The following SYK variants were observed in gnomAD, a reference collection of about 807,000 sequenced individuals.
SYK encodes the protein spleen associated tyrosine kinase.
In SYK, 16 loss-of-function variants were observed where a neutral mutation model predicts 77.8. The observed-to-expected ratio is 0.21, with a 90% confidence interval of 0.14 to 0.31. The LOEUF (loss-of-function observed/expected upper bound fraction) is 0.31, where lower values mean the gene tolerates loss of function less well. Ranked by LOEUF, SYK falls within the 10% of genes least tolerant of loss-of-function variation. SYK has a pLI of 1.00. For missense variants in SYK, 529 were observed against 814.4 expected (o/e 0.65, Z 4.26); for synonymous variants, 312 against 308.7 (o/e 1.01, Z -0.11).
In SYK at chr9:90,895,413, A is replaced by C. The variant is rs992178785; in HGVS notation, c.1836-115A>C. 2 of 1,072,490 alleles carry C rather than the reference A, an allele frequency of 1.9e-6. No individual in the cohort carries two copies. Among genetic ancestry groups the C allele is most frequent in the Non-Finnish European group, 2.8e-6 (2 of 711,822 alleles). 66.4% of individuals were successfully genotyped at this position (1,072,490 alleles called of 1,614,324 possible). A position where few individuals can be genotyped will look rare whatever the true frequency, so the allele number is the denominator to read the frequency against. On this transcript the variant is annotated intron_variant, in intron 13 of 13. Coordinates refer to ENST00000375754, the MANE Select transcript of SYK (RefSeq NM_003177.7). The surrounding 1 kb of genome is among the most constrained non-coding windows in gnomAD (Gnocchi z 4.4). ...GACCACGCTGTGAGCTGCAGGCCCT[A>C]GAGTTAGCCACCAGGGAGCAGCACC...
intron 11 of SYK, among the ~76,000 whole-genome samples, chr9:90,882,766 A>G (rs1032597562): frequency 2.6e-5 from 4 of 152,316 alleles, no homozygotes; most frequent in Non-Finnish European, 5.9e-5. Flanking sequence ...ACACAGATGC[A>G]ACCAAGGAGC....
intron 3 of SYK, among the ~76,000 whole-genome samples, chr9:90,856,441 T>G (rs185257108): frequency 5.4e-4 from 83 of 152,340 alleles, no homozygotes; most frequent in Non-Finnish European, 1.5e-4. Context: ...TTTTTTATTT[T>G]CCCTTGCCTT....
At chr9:90,855,143 T>C (rs571076948) in intron 3 of SYK, among the ~76,000 whole-genome samples, 1 of 152,288 alleles carries the variant, frequency 6.6e-6, no homozygotes, top group East Asian at 1.9e-4. Flanking sequence ...CTAATTTAGG[T>C]TTGTTTCCTG....
rs182740719 is a variant in SYK, at chr9:90,806,467, C to T, written c.-42+4574C>T. ...CCAGGCTAGTCTCAAACTCCTGGGC[C>T]CAAGCAATCCTCTTGCCTCAGCCTC... On this transcript the variant is annotated intron_variant, in intron 1 of 13. Coordinates refer to ENST00000375754, the MANE Select transcript of SYK (RefSeq NM_003177.7). Among the ~76,000 whole-genome samples the T allele has an allele frequency of 6.2e-4, 94 of 152,018 alleles. No homozygotes were observed. In the East Asian group the frequency reaches 0.017, roughly 28 times the overall value.
intron 11 of SYK, among the ~76,000 whole-genome samples, chr9:90,879,438 A>G (rs933381573): frequency 1.3e-5 from 2 of 152,262 alleles, no homozygotes; most frequent in African/African-American, 2.4e-5. Flanking sequence ...ACTGTCCCAC[A>G]GCATGGAGCT....
intron 3 of SYK, among the ~76,000 whole-genome samples, chr9:90,847,919 A>G (rs1366093606): frequency 1.3e-5 from 2 of 152,214 alleles, no homozygotes; most frequent in Middle Eastern, 3.2e-3. Flanking sequence ...TTTAACAGAG[A>G]AAGTGTGAGG....
At chr9:90,891,320 G>A (rs1828784349) in intron 13 of SYK, among the ~76,000 whole-genome samples, 1 of 151,746 alleles carries the variant, frequency 6.6e-6, no homozygotes, top group Admixed American at 6.6e-5. Context: ...TAATTTTTTT[G>A]TATTTTTTAG....
intron 1 of SYK, among the ~76,000 whole-genome samples, chr9:90,828,646 T>C (rs1266602222): frequency 6.6e-6 from 1 of 152,186 alleles, no homozygotes; most frequent in Non-Finnish European, 1.5e-5. Flanking sequence ...AGTGTTCTGT[T>C]AATTATTCAC....
chr9:90,857,414 G>A (rs571326875), intron 3 of SYK, among the ~76,000 whole-genome samples: 104 of 152,124 alleles, frequency 6.8e-4, no homozygotes, highest in African/African-American at 2.4e-3. Context: ...GACAAGATGC[G>A]TTAAATAATT....
intron 1 of SYK, among the ~76,000 whole-genome samples, chr9:90,821,932 G>GTTCC (rs148190868): frequency 0.016 from 2,379 of 152,218 alleles, 64 homozygotes; most frequent in African/African-American, 0.055. Context: ...GCTGTCGGCC[G>GTTCC]TGAGTCCAAT....
chr9:90,820,836 T>C (rs1354223534), intron 1 of SYK, among the ~76,000 whole-genome samples: 2 of 151,950 alleles, frequency 1.3e-5, no homozygotes, highest in African/African-American at 2.4e-5. Context: ...ATAGTCAGGC[T>C]GCAAATTTTC....
rs564105996 is a variant in SYK at position 90,829,878 on chromosome 9, G to C, written c.-41-13980G>C. 5.3e-5 allele frequency among the ~76,000 whole-genome samples: 8 copies of C among 152,340 alleles called. No homozygotes were observed. In the South Asian group the frequency reaches 1.7e-3, roughly 32 times the overall value. On this transcript the variant is annotated intron_variant, in intron 1 of 13. Transcript: ENST00000375754. ...TATGGCAAGGTGGGCATAGAGAAGA[G>C]ATTTCTGAGTGTCTTTTGCAGAGCT...
chr9:90,895,626 C>A lies in SYK; in HGVS notation c.*26C>A, dbSNP rs201191948. 2.9e-5 allele frequency: 46 copies of A among 1,604,094 alleles called. No individual in the cohort carries two copies. The African/African-American group carries it at 5.9e-4, about 20-fold the overall frequency. ...CCGCTCCCGCACCTGTCGGTGGCTG[C>A]CTTTGATCACAGGAGCAATCACAGG... On this transcript the variant is annotated 3_prime_UTR_variant, in exon 14 of 14. Coordinates refer to ENST00000375754, the MANE Select transcript of SYK (RefSeq NM_003177.7). The surrounding 1 kb of genome is among the most constrained non-coding windows in gnomAD (Gnocchi z 4.4).
chr9:90,813,672 C>A (rs1212939411), intron 1 of SYK, among the ~76,000 whole-genome samples: 1 of 152,192 alleles, frequency 6.6e-6, no homozygotes, highest in Non-Finnish European at 1.5e-5. Flanking sequence ...GTCAAATGTT[C>A]ATGGTTGAGT....
intron 1 of SYK, among the ~76,000 whole-genome samples, chr9:90,835,417 G>T (rs1210044209): frequency 1.3e-5 from 2 of 152,180 alleles, no homozygotes; most frequent in Non-Finnish European, 2.9e-5. Flanking sequence ...AGAGGAGCTT[G>T]GGTGATATGA....
chr9:90,854,969 C>T (rs290208), intron 3 of SYK, among the ~76,000 whole-genome samples: 35,569 of 150,270 alleles, frequency 0.24, 4,497 homozygotes, highest in Middle Eastern at 0.37. Context: ...TCACTTCTTC[C>T]CCCTACAGCC....
intron 3 of SYK, among the ~76,000 whole-genome samples, chr9:90,847,221 T>C (rs1826633236): frequency 6.6e-6 from 1 of 152,224 alleles, no homozygotes; most frequent in Non-Finnish European, 1.5e-5. Context: ...ATCTCATGTG[T>C]CCTCACAGCA....
intron 8 of SYK, 144 bp downstream of exon 8, chr9:90,874,435 G>A (rs1827851176): frequency 5.5e-6 from 5 of 912,102 alleles, no homozygotes; most frequent in African/African-American, 1.6e-5. Flanking sequence ...ACATCTAGTG[G>A]CAGGCAGCAG....
At chr9:90,840,569 A>AC (rs1404096386) in intron 1 of SYK, among the ~76,000 whole-genome samples, 1 of 151,678 alleles carries the variant, frequency 6.6e-6, no homozygotes, top group Non-Finnish European at 1.5e-5. Context: ...AAAAAAAAAA[A>AC]AAAAAAACTG....
Sources: allele counts gnomAD v4.1 joint callset (sites outside exome capture counted in the v4.1 genomes callset), GRCh38; gene constraint gnomAD v4.1.1; non-coding constraint Gnocchi (gnomAD v3.1); transcripts MANE v1.5; gene names NCBI Gene and HGNC (gene_info 2026-07-23, HGNC 2026-07-21).